Variants in FSD1 observed in about 807,000 individuals in gnomAD.
FSD1 encodes fibronectin type III and SPRY domain-containing protein 1.
A neutral mutation model predicts 58.2 loss-of-function variants in FSD1; 23 were observed. The ratio of observed to expected loss-of-function variants is 0.40; its 90% CI spans 0.28 to 0.56. The LOEUF is 0.56. Among genes scored for constraint, FSD1 ranks in the 20% least tolerant of loss-of-function variants. FSD1 has a pLI of 0.54. For missense variants in FSD1, 563 were observed against 670.8 expected, an observed-to-expected ratio of 0.84 and a Z score of 1.78; for synonymous variants, 265 against 263.4, an observed-to-expected ratio of 1.01 and a Z score of -0.06.
At chr19:4,311,742 C>G in intron 6 of FSD1, 100 bp from the exon 7 acceptor site, 1 of 1,078,968 alleles carries the variant, frequency 9.3e-7, no homozygotes. Flanking sequence ...GCCATGCCCC[C>G]AAAATTGTCC....
At chr19:4,319,413 C>G (rs938050644) in intron 10 of FSD1, among the ~76,000 whole-genome samples, 2 of 152,090 alleles carry the variant, frequency 1.3e-5, no homozygotes, top group Non-Finnish European at 2.9e-5. Context: ...TCAATAGTAG[C>G]ATAAGAATGA....
At chr19:4,312,800 G>A (rs1002598528) in intron 7 of FSD1, among the ~76,000 whole-genome samples, 32 of 145,718 alleles carry the variant, frequency 2.2e-4, no homozygotes, top group African/African-American at 7.4e-4. Flanking sequence ...GCAAGACTCC[G>A]TCTCAAAAAA....
Position 4,310,521 on chromosome 19 carries a change from A to G in FSD1, c.415A>G (p.Ser139Gly). 1 of 1,613,934 alleles carries G rather than the reference A, an allele frequency of 6.2e-7. No homozygotes were observed. The highest frequency in any genetic ancestry group is 8.5e-7 in the Non-Finnish European group (1 of 1,179,912). ...AFRLSLKAKVSDNMSHLMVDF... is the reference protein window; with the variant it reads ...AFRLSLKAKVGDNMSHLMVDF... ...CCGGCTATCATTGAAAGCGAAGGTCAGTGACAACATGAGTCACCTCATGGT... is the reference window on the plus strand; with the variant it reads ...CCGGCTATCATTGAAAGCGAAGGTCGGTGACAACATGAGTCACCTCATGGT... The change falls in exon 6 of 13, where the codon AGT becomes GGT. Residue 139 changes from serine to glycine, a missense_variant. Transcript: ENST00000221856.
chr19:4,310,432 A>T, intron 5 of FSD1, 43 bp from the exon 6 acceptor site: 1 of 1,604,578 alleles, frequency 6.2e-7, no homozygotes, highest in Non-Finnish European at 8.5e-7. Context: ...ACGGATGACC[A>T]GGCCTGGTCC....
At chr19:4,315,607 CTTTTTTTTTTT>C (rs1302777132) in intron 7 of FSD1, among the ~76,000 whole-genome samples, 1 of 93,770 alleles carries the variant, frequency 1.1e-5, no homozygotes. Flanking sequence ...CGTGCCTGGC[CTTTTTTTTTTT>C]TTTTTTTTTT....
In FSD1 at chr19:4,318,368, G is replaced by A. The variant is rs3745990; in HGVS notation, c.822G>A (p.Ala274=). 90,948 of 1,613,600 alleles carry A rather than the reference G, an allele frequency of 0.056. 2,950 individuals carry two copies. Among genetic ancestry groups the A allele is most frequent in the Admixed American group, 0.11 (6,332 of 59,932 alleles). Residue 274 remains alanine, a synonymous_variant, in exon 9 of 13, where the codon GCG becomes GCA. Transcript: ENST00000221856. ...CAGCGTTCATGTTCCGCCTGGATGC[G>A]TCCACATCCCACCAGAACCTGCGGG... ...ETPAFMFRLD[A]STSHQNLRVD...
rs1005620817 is a variant in FSD1, at chr19:4,305,880, GTGTGTGTACC to G, written c.16-59_16-50del. On this transcript the variant is annotated intron_variant, in intron 1 of 12. Transcript: ENST00000221856. ...TGCACGTGTGTACATGTGCGTACAC[GTGTGTGTACC>G]TGTGTGCGCACATGTGTGTGTGCAC... The G allele has an allele frequency of 7.6e-5, 87 of 1,148,882 alleles. 1 individual carries two copies. The African/African-American group carries it at 1.1e-3, about 14-fold the overall frequency. The allele number at this position is 1,148,882 out of a possible 1,614,324, so 71.2% of individuals were successfully genotyped here. A position where few individuals can be genotyped will look rare whatever the true frequency, so the allele number is the denominator to read the frequency against.
chr19:4,313,845 G>A (rs1285644889), intron 7 of FSD1, among the ~76,000 whole-genome samples: 2 of 152,002 alleles, frequency 1.3e-5, no homozygotes, highest in Admixed American at 1.3e-4. Flanking sequence ...GGCCAGCATG[G>A]TAAAACCCTG....
At chr19:4,308,379 G>A (rs1199628377) in intron 4 of FSD1, among the ~76,000 whole-genome samples, 1 of 152,122 alleles carries the variant, frequency 6.6e-6, no homozygotes, top group Non-Finnish European at 1.5e-5. Context: ...CTGCATTCCA[G>A]ACTGGGCAAC....
chr19:4,309,469 G>A (rs1599534419), intron 4 of FSD1, among the ~76,000 whole-genome samples: 1 of 152,078 alleles, frequency 6.6e-6, no homozygotes, highest in Admixed American at 6.6e-5. Flanking sequence ...CTGGGTGTGG[G>A]CAGGAGGTTG....
At chr19:4,306,464 C>A in intron 3 of FSD1, 135 bp downstream of exon 3, 1 of 768,936 alleles carries the variant, frequency 1.3e-6, no homozygotes, top group Non-Finnish European at 2.1e-6. Context: ...TCCACCTGTA[C>A]ACTCTCTCTT....
intron 3 of FSD1, among the ~76,000 whole-genome samples, chr19:4,306,954 G>T (rs902055296): frequency 6.6e-6 from 1 of 152,168 alleles, no homozygotes; most frequent in African/African-American, 2.4e-5. Context: ...AGTCACACAG[G>T]CTGCATCCAG....
intron 4 of FSD1, among the ~76,000 whole-genome samples, chr19:4,309,908 C>T (rs912582876): frequency 1.7e-5 from 2 of 115,994 alleles, no homozygotes; most frequent in African/African-American, 6.7e-5. Context: ...GACTCCATCT[C>T]AAAAAAAAAA....
chr19:4,323,709 G>A lies in FSD1; in HGVS notation c.*66G>A. On this transcript the variant is annotated 3_prime_UTR_variant, in exon 13 of 13. Coordinates refer to ENST00000221856, the MANE Select transcript of FSD1 (RefSeq NM_024333.3). This position sits in a 1 kb window ranked among gnomAD's most constrained non-coding sequence, Gnocchi z 7.7. Reference sequence around the variant, plus strand: ...TCGCCGCCAAGCCCAGGCTGCTGGAGCCAGGCACCCTCCTCTGTCACTTGC... The same window carrying A: ...TCGCCGCCAAGCCCAGGCTGCTGGAACCAGGCACCCTCCTCTGTCACTTGC... 2 of 1,115,914 alleles carry A rather than the reference G, an allele frequency of 1.8e-6. No individual in the cohort carries two copies. The allele number at this position is 1,115,914 out of a possible 1,614,324, so 69.1% of individuals were successfully genotyped here.
intron 7 of FSD1, 59 bp from the exon 8 acceptor site, chr19:4,317,123 C>A (rs1971763463): frequency 2.1e-6 from 2 of 960,990 alleles, no homozygotes; most frequent in East Asian, 2.4e-5. Flanking sequence ...AGCTTTAACC[C>A]ATGACTCAGA....
chr19:4,305,826 G>A (rs1971612691), intron 1 of FSD1, 120 bp from the exon 2 acceptor site: 1 of 747,428 alleles, frequency 1.3e-6, no homozygotes, highest in Admixed American at 2.0e-5. Flanking sequence ...GCGCACGCGT[G>A]TGCATTTATG....
chr19:4,306,457 A>C (rs1599532508), intron 3 of FSD1, 128 bp downstream of exon 3: 50 of 772,844 alleles, frequency 6.5e-5, no homozygotes, highest in African/African-American at 7.5e-5. Flanking sequence ...CCCTCCATCC[A>C]CCTGTACACT....
In FSD1 at chr19:4,323,502, GCCCCTCC is replaced by G. The variant is rs1568383322; in HGVS notation, c.1381-19_1381-13del. ...GCTGGGCGCTGGGGTTTGAAGCTGAGCCCCTCCCCCCTCCCCCCGCTGTCCCTCAGGT... is the reference window on the plus strand; with the variant it reads ...GCTGGGCGCTGGGGTTTGAAGCTGAGCCCCTCCCCCCGCTGTCCCTCAGGT... On this transcript the variant is annotated intron_variant, in intron 12 of 12. Transcript: ENST00000221856. This position sits in a 1 kb window ranked among gnomAD's most constrained non-coding sequence, Gnocchi z 7.7. 6.4e-6 allele frequency: 10 copies of G among 1,573,770 alleles called. No individual in the cohort carries two copies. The highest frequency in any genetic ancestry group is 1.7e-5 in the Admixed American group (1 of 59,312).
At position 4,323,782 on chromosome 19, in the gene FSD1, G is replaced by A; in HGVS notation, c.*139G>A. On this transcript the variant is annotated 3_prime_UTR_variant, in exon 13 of 13. Transcript: ENST00000221856. The surrounding 1 kb of genome is among the most constrained non-coding windows in gnomAD (Gnocchi z 7.7). ...TGGGGGGGTCACCAAGAGGGAGTGG[G>A]CACCCTGGCGGGCCCTCTCCCCACC... The A allele has an allele frequency of 1.5e-6, 1 of 654,724 alleles. No homozygotes were observed. Among genetic ancestry groups the A allele is most frequent in the Non-Finnish European group, 2.6e-6 (1 of 382,774 alleles). 40.6% of individuals were successfully genotyped at this position (654,724 alleles called of 1,614,324 possible). A position where few individuals can be genotyped will look rare whatever the true frequency, so the allele number is the denominator to read the frequency against.
Sources: gnomAD v4.1 joint callset for allele counts (sites outside exome capture counted in the v4.1 genomes callset) on GRCh38, gnomAD v4.1.1 for gene constraint, Gnocchi (gnomAD v3.1) non-coding constraint, MANE v1.5 for transcripts, NCBI Gene and HGNC (gene_info 2026-07-23, HGNC 2026-07-21) for gene names.